The following COL22A1 variants were observed in gnomAD, a reference collection of about 807,000 sequenced individuals.
The protein encoded by COL22A1 is collagen alpha-1(XXII) chain.
A neutral mutation model predicts 248.9 loss-of-function variants in COL22A1; 221 were observed. The observed-to-expected ratio is 0.89, with a 90% CI of 0.80 to 0.99. The LOEUF is 0.99. Among genes scored for constraint, COL22A1 ranks in the 50% least tolerant of loss-of-function variants. The pLI, the probability that COL22A1 is intolerant of heterozygous loss-of-function variation, is 0.00. For missense variants in COL22A1, 2,240 were observed against 2,179.0 expected (o/e 1.03, Z -0.56); for synonymous variants, 891 against 793.4 (o/e 1.12, Z -2.07).
intron 41 of COL22A1, 145 bp downstream of exon 41, chr8:138,676,413 A>AAGAAAGAAAGAAAGAAAGAAAGAAAG: frequency 3.1e-6 from 1 of 325,180 alleles, no homozygotes; most frequent in Non-Finnish European, 5.4e-6. Context: ...AAAAGAAAGA[A>AAGAAAGAAAGAAAGAAAGAAAGAAAG]AAAGAAAGAA....
At chr8:138,824,205 T>C (rs1486114600) in intron 6 of COL22A1, among the ~76,000 whole-genome samples, 1 of 152,248 alleles carries the variant, frequency 6.6e-6, no homozygotes, top group Non-Finnish European at 1.5e-5. Flanking sequence ...ACTGTGTCCC[T>C]GAACCTTCAG....
chr8:138,723,014 T>C (rs1392195393), intron 25 of COL22A1, among the ~76,000 whole-genome samples: 2 of 151,962 alleles, frequency 1.3e-5, no homozygotes, highest in African/African-American at 4.8e-5. Context: ...TGTTTACCTA[T>C]GTAACAAGCT....
At chr8:138,885,371 TG>T (rs1301891971) in intron 1 of COL22A1, among the ~76,000 whole-genome samples, 1 of 152,122 alleles carries the variant, frequency 6.6e-6, no homozygotes, top group Non-Finnish European at 1.5e-5. Context: ...CTCCTGGAAG[TG>T]GTGGAGCAGG....
intron 27 of COL22A1, among the ~76,000 whole-genome samples, 185 bp downstream of exon 27, chr8:138,720,554 C>T (rs1371858332): frequency 6.6e-6 from 1 of 152,048 alleles, no homozygotes; most frequent in African/African-American, 2.4e-5. Context: ...TCTGTTGTTG[C>T]CAGCCTCATG....
At chr8:138,735,426 T>A (rs528223772) in intron 23 of COL22A1, among the ~76,000 whole-genome samples, 1 of 152,202 alleles carries the variant, frequency 6.6e-6, no homozygotes, top group African/African-American at 2.4e-5. Flanking sequence ...CACAGCTCAA[T>A]GTCTGGCCTT....
chr8:138,749,137 A>T (rs1353717310), intron 22 of COL22A1, among the ~76,000 whole-genome samples: 1 of 152,228 alleles, frequency 6.6e-6, no homozygotes, highest in Admixed American at 6.5e-5. Flanking sequence ...TAAAACTGTG[A>T]GTCCATTCAC....
At chr8:138,844,001 AC>A (rs1821058857) in intron 4 of COL22A1, 82 bp downstream of exon 4, 2 of 1,213,430 alleles carry the variant, frequency 1.6e-6, no homozygotes, top group Non-Finnish European at 2.5e-6. Flanking sequence ...CAGTGAGGCC[AC>A]CCCTGAATTG....
rs145784533 is a variant in COL22A1 at position 138,697,000 on chromosome 8, A to T, written c.2593-2121T>A. On this transcript the variant is annotated intron_variant, in intron 32 of 64. Transcript: ENST00000303045. ...TTGTTTCAGGAGACACACAGGGAAG[A>T]CATTTGTACAGTCTTCTTCCAGTGT... 1.1e-3 allele frequency among the ~76,000 whole-genome samples: 175 copies of T among 152,328 alleles called. 1 individual carries two copies. The highest frequency in any genetic ancestry group is 3.8e-3 in the African/African-American group (160 of 41,588).
intron 17 of COL22A1, among the ~76,000 whole-genome samples, chr8:138,761,966 A>C (rs1833520856): frequency 1.3e-5 from 2 of 152,026 alleles, no homozygotes. Flanking sequence ...CAGACCCCTC[A>C]CATCAGTGCA....
chr8:138,594,493 C>G (rs569488071), intron 62 of COL22A1, among the ~76,000 whole-genome samples: 153 of 152,340 alleles, frequency 1.0e-3, no homozygotes, highest in Admixed American at 1.9e-3. Flanking sequence ...TGGAGCAAGT[C>G]TGCCCAGGCT....
chr8:138,861,700 T>C (rs933065557), intron 3 of COL22A1, among the ~76,000 whole-genome samples: 3 of 152,156 alleles, frequency 2.0e-5, no homozygotes, highest in African/African-American at 7.2e-5. Flanking sequence ...GCTTCTCCCC[T>C]TGCCTCTGTG....
chr8:138,646,677 C>A lies in COL22A1; in HGVS notation c.3453G>T (p.Glu1151Asp), dbSNP rs1271887977. ...GREGTEGKKG[E>D]AGPPGLPGPP... ...GCCCTGGTAGGCCTGGAGGCCCAGC[C>A]TCTCCCTGTATCAGGGATACAAGAA... is the stretch of plus-strand genomic sequence containing the variant. Residue 1151 changes from glutamate (E) to aspartate (D), a missense_variant, in exon 47 of 65, where the codon GAG becomes GAT. Coordinates refer to ENST00000303045, the MANE Select transcript of COL22A1 (RefSeq NM_152888.3). 6.3e-7 allele frequency: 1 copy of A among 1,578,552 alleles called. No individual in the cohort carries two copies. Among genetic ancestry groups the A allele is most frequent in the Non-Finnish European group, 8.6e-7 (1 of 1,161,608 alleles).
At chr8:138,657,262 A>G (rs1823354308) in intron 44 of COL22A1, among the ~76,000 whole-genome samples, 1 of 152,236 alleles carries the variant, frequency 6.6e-6, no homozygotes, top group Admixed American at 6.5e-5. Context: ...CCTTTGCTAT[A>G]GCAATTTATT....
intron 21 of COL22A1, among the ~76,000 whole-genome samples, chr8:138,752,929 T>C (rs1188534129): frequency 1.3e-5 from 2 of 152,342 alleles, no homozygotes; most frequent in Middle Eastern, 3.4e-3. Flanking sequence ...GATATCAGCA[T>C]TGGGCTCAGT....
At chr8:138,677,077 C>T (rs1825621219) in intron 40 of COL22A1, among the ~76,000 whole-genome samples, 1 of 152,206 alleles carries the variant, frequency 6.6e-6, no homozygotes, top group South Asian at 2.1e-4. Context: ...CAAGTACCTA[C>T]ATTTTGCACA....
chr8:138,693,592 G>C (rs1827254679), intron 35 of COL22A1, 54 bp downstream of exon 35: 1 of 1,527,970 alleles, frequency 6.5e-7, no homozygotes, highest in Non-Finnish European at 8.9e-7. Context: ...CAGACACTGG[G>C]CGGGGCCTCC....
chr8:138,713,710 AC>A (rs367727991), intron 30 of COL22A1, among the ~76,000 whole-genome samples: 1 of 41,980 alleles, frequency 2.4e-5, no homozygotes. Context: ...CTATGAGTCC[AC>A]CCCCACCGCC....
At chr8:138,715,856 T>A in intron 29 of COL22A1, 121 bp from the exon 30 acceptor site, 1 of 738,874 alleles carries the variant, frequency 1.4e-6, no homozygotes, top group Non-Finnish European at 2.3e-6. Flanking sequence ...TCTCTCTCAC[T>A]TGTCCTTGCC....
chr8:138,836,321 A>G (rs893554468), intron 4 of COL22A1, among the ~76,000 whole-genome samples: 7 of 152,162 alleles, frequency 4.6e-5, no homozygotes, highest in African/African-American at 1.7e-4. Flanking sequence ...GAAAAGGAAA[A>G]GGAAAAGGAA....
Sources: gnomAD v4.1 joint callset for allele counts (sites outside exome capture counted in the v4.1 genomes callset) on GRCh38, gnomAD v4.1.1 for gene constraint, MANE v1.5 for transcripts, NCBI Gene and HGNC (gene_info 2026-07-23, HGNC 2026-07-21) for gene names.